Variants in DACH2 observed in about 807,000 individuals in gnomAD.
The protein encoded by DACH2 is dachshund homolog 2.
DACH2 carries 17 observed loss-of-function variants against 35.8 expected under a neutral mutation model. That is an observed-to-expected ratio of 0.48 (90% CI 0.33 to 0.71). DACH2 has a LOEUF of 0.71. DACH2 is among the 30% of genes least tolerant of loss of function. The probability of loss-of-function intolerance (pLI) is 0.02; values close to 1 mark genes in which losing one functional copy is unlikely to be tolerated. For synonymous variants in DACH2, 195 were observed against 177.3 expected, an observed-to-expected ratio of 1.10 and a Z score of -0.79; for missense variants, 469 against 472.7, an observed-to-expected ratio of 0.99 and a Z score of 0.07.
intron 7 of DACH2, among the ~76,000 whole-genome samples, chrX:86,780,170 CAAA>C (rs5902915): frequency 0.15 from 13,294 of 90,065 alleles, 777 homozygotes; most frequent in East Asian, 0.37. Context: ...ATATAAATAC[CAAA>C]AAAAAAAAAA....
At chrX:86,756,804 C>G (rs986059944) in intron 7 of DACH2, among the ~76,000 whole-genome samples, 1 of 111,581 alleles carries the variant, frequency 9.0e-6, no homozygotes, top group Non-Finnish European at 1.9e-5. Context: ...GCATCCTCAT[C>G]TTATTCCAGC....
intron 1 of DACH2, among the ~76,000 whole-genome samples, chrX:86,222,892 T>C (rs2032744629): frequency 9.1e-6 from 1 of 110,479 alleles, no homozygotes; most frequent in Non-Finnish European, 1.9e-5. Context: ...GGAGTACAAT[T>C]AGTAAGGGCC....
chrX:86,554,008 T>A (rs750158642), intron 3 of DACH2, among the ~76,000 whole-genome samples: 2 of 111,266 alleles, frequency 1.8e-5, no homozygotes, highest in Non-Finnish European at 3.8e-5. Context: ...GTTTCTTGTG[T>A]GTGTGTGCGT....
intron 1 of DACH2, chrX:86,184,492 A>G (rs968337899): frequency 3.6e-5 from 4 of 111,032 alleles, no homozygotes; most frequent in African/African-American, 1.3e-4. Context: ...TACAGGAGAC[A>G]TCCTTTTGTT....
At position 86,550,581 on chromosome X, in the gene DACH2, A is replaced by G. The variant is rs565062393; in HGVS notation, c.640+36190A>G. Among the ~76,000 whole-genome samples the G allele has an allele frequency of 1.6e-4, 18 of 111,394 alleles. 1 individual carries two copies. The highest frequency in any genetic ancestry group is 5.5e-4 in the African/African-American group (17 of 30,706). Reference sequence around the variant, plus strand: ...GGCCATGTCATGAGGTCCCTGTGCTATTCTCAGGTTGTAACAATCTGATGT... The same window carrying G: ...GGCCATGTCATGAGGTCCCTGTGCTGTTCTCAGGTTGTAACAATCTGATGT... On this transcript the variant is annotated intron_variant, in intron 3 of 11. Transcript: ENST00000373125.
intron 11 of DACH2, among the ~76,000 whole-genome samples, chrX:86,818,097 ATGTC>A (rs996776261): frequency 5.4e-5 from 6 of 111,727 alleles, no homozygotes; most frequent in Non-Finnish European, 1.1e-4. Flanking sequence ...TCTTTATTGG[ATGTC>A]TGTCTTTTAT....
intron 1 of DACH2, among the ~76,000 whole-genome samples, chrX:86,232,865 T>C (rs1347502454): frequency 1.8e-5 from 2 of 112,030 alleles, no homozygotes; most frequent in Admixed American, 1.9e-4. Flanking sequence ...GAATATAAAT[T>C]ATTCGATCAT....
chrX:86,495,035 T>TA (rs1381270172), intron 2 of DACH2, among the ~76,000 whole-genome samples: 2 of 110,866 alleles, frequency 1.8e-5, no homozygotes, highest in African/African-American at 6.6e-5. Context: ...TAGTTTGCAT[T>TA]ATTAATTAAT....
chrX:86,367,140 T>C (rs73520080), intron 1 of DACH2, among the ~76,000 whole-genome samples: 6,042 of 111,147 alleles, frequency 0.054, 407 homozygotes, highest in African/African-American at 0.19. Context: ...TTGAAAATAA[T>C]ATAAACATAT....
chrX:86,403,906 G>A (rs1233365200), intron 2 of DACH2, among the ~76,000 whole-genome samples: 1 of 110,767 alleles, frequency 9.0e-6, no homozygotes, highest in Non-Finnish European at 1.9e-5. Context: ...TTACATTCAT[G>A]GTAGAAGGGG....
intron 2 of DACH2, among the ~76,000 whole-genome samples, chrX:86,386,268 A>G (rs1322747346): frequency 1.8e-5 from 2 of 111,189 alleles, no homozygotes; most frequent in Admixed American, 1.9e-4. Flanking sequence ...TCATGATTAA[A>G]TTGGGGTTAT....
chrX:86,307,075 G>C (rs1001641513), intron 1 of DACH2, among the ~76,000 whole-genome samples: 3 of 111,842 alleles, frequency 2.7e-5, no homozygotes, highest in Non-Finnish European at 5.6e-5. Flanking sequence ...AAGGAGTTTA[G>C]TGACTCTACA....
intron 5 of DACH2, among the ~76,000 whole-genome samples, chrX:86,699,608 G>A (rs1377788606): frequency 9.0e-6 from 1 of 111,460 alleles, no homozygotes; most frequent in East Asian, 2.8e-4. Flanking sequence ...GGAATTATGG[G>A]AATACAATTC....
rs758261713 is a variant in DACH2, at chrX:86,264,341, T to C, written c.489-112483T>C. The stretch of plus-strand genomic sequence containing the variant: ...ACATTTAGTAGCTTGAATTGCTCTT[T>C]TCTGGCGGCTGTCAGAGACTATTTT... On this transcript the variant is annotated intron_variant, in intron 1 of 11. Transcript: ENST00000373125. Among the ~76,000 whole-genome samples the C allele has an allele frequency of 1.1e-4, 12 of 112,248 alleles. No homozygotes were observed. The East Asian group carries it at 3.4e-3, about 31-fold the overall frequency.
intron 1 of DACH2, among the ~76,000 whole-genome samples, chrX:86,176,206 T>C (rs1321205430): frequency 9.0e-6 from 1 of 110,951 alleles, no homozygotes; most frequent in African/African-American, 3.3e-5. Flanking sequence ...AAAGAAGATA[T>C]CAAGGAGGTG....
chrX:86,150,802 C>T (rs1339747740), intron 1 of DACH2, among the ~76,000 whole-genome samples: 1 of 111,634 alleles, frequency 9.0e-6, no homozygotes, highest in Non-Finnish European at 1.9e-5. Context: ...CAGATAGTGG[C>T]CATCTAATTC....
chrX:86,778,679 C>G (rs1428530744), intron 7 of DACH2, among the ~76,000 whole-genome samples: 1 of 111,182 alleles, frequency 9.0e-6, no homozygotes, highest in African/African-American at 3.3e-5. Context: ...GGCGTGATCT[C>G]AGCTCACTGC....
At chrX:86,277,484 ATTAC>A (rs985831473) in intron 1 of DACH2, among the ~76,000 whole-genome samples, 1 of 112,177 alleles carries the variant, frequency 8.9e-6, no homozygotes, top group African/African-American at 3.2e-5. Context: ...CTAATGACTT[ATTAC>A]TTGCTGTTTA....
rs755455623 is a variant in DACH2, at chrX:86,614,238, A to G, written c.641-36798A>G. 2.7e-3 allele frequency among the ~76,000 whole-genome samples: 298 copies of G among 111,746 alleles called. 1 individual carries two copies. The highest frequency in any genetic ancestry group is 0.019 in the Middle Eastern group (4 of 212). The stretch of plus-strand genomic sequence containing the variant: ...AACTATAATTATGTCAAGATTCATT[A>G]TCTTAGGTGGAACTTGATAGTGTTT... On this transcript the variant is annotated intron_variant, in intron 3 of 11. Coordinates refer to ENST00000373125, the MANE Select transcript of DACH2 (RefSeq NM_053281.3).
Sources: gnomAD v4.1 joint callset for allele counts (sites outside exome capture counted in the v4.1 genomes callset) on GRCh38, gnomAD v4.1.1 for gene constraint, MANE v1.5 for transcripts, NCBI Gene and HGNC (gene_info 2026-07-23, HGNC 2026-07-21) for gene names.